SLC4A10: variants seen among roughly 807,000 people sequenced by gnomAD.
SLC4A10 encodes the protein sodium-driven chloride bicarbonate exchanger.
Under a neutral mutation model 137.7 loss-of-function variants are expected in SLC4A10, and 42 were observed. The observed-to-expected ratio is 0.30, with a 90% confidence interval of 0.24 to 0.39. The LOEUF is 0.39. SLC4A10 is among the 10% of genes least tolerant of loss of function. The probability of loss-of-function intolerance (pLI) is 1.00; values close to 1 mark genes in which losing one functional copy is unlikely to be tolerated. For missense variants in SLC4A10, 925 were observed against 1,355.0 expected, an observed-to-expected ratio of 0.68 and a Z score of 4.98; for synonymous variants, 474 against 464.1, an observed-to-expected ratio of 1.02 and a Z score of -0.27.
intron 1 of SLC4A10, among the ~76,000 whole-genome samples, chr2:161,733,276 T>G (rs2046995234): frequency 6.6e-6 from 1 of 152,086 alleles, no homozygotes. Context: ...TGTCCCAGGG[T>G]TCCCAAGCTG....
chr2:161,678,207 G>C (rs1160534891), intron 1 of SLC4A10, among the ~76,000 whole-genome samples: 4 of 152,136 alleles, frequency 2.6e-5, no homozygotes, highest in African/African-American at 9.7e-5. Flanking sequence ...ATGAATCTGG[G>C]AAGTTGGGAG....
intron 16 of SLC4A10, among the ~76,000 whole-genome samples, chr2:161,947,000 A>T (rs2222057): frequency 0.81 from 122,899 of 152,022 alleles, 49,858 homozygotes; most frequent in East Asian, 0.97. Flanking sequence ...CATTGTTCTT[A>T]GTCAATAAGC....
intron 1 of SLC4A10, among the ~76,000 whole-genome samples, chr2:161,759,062 A>T (rs977792399): frequency 2.0e-5 from 3 of 151,848 alleles, no homozygotes; most frequent in Admixed American, 6.6e-5. Context: ...TTCATCTTCC[A>T]CCTTAGATAT....
intron 2 of SLC4A10, among the ~76,000 whole-genome samples, chr2:161,782,807 A>G (rs2053194457): frequency 1.3e-5 from 2 of 149,722 alleles, no homozygotes; most frequent in African/African-American, 4.9e-5. Context: ...AGAAACAAAA[A>G]GGACAAAATA....
At chr2:161,954,363 G>A (rs1224775910) in intron 19 of SLC4A10, among the ~76,000 whole-genome samples, 1 of 152,056 alleles carries the variant, frequency 6.6e-6, no homozygotes, top group African/African-American at 2.4e-5. Context: ...GTTTTAGTGG[G>A]GTCTGGTGTA....
intron 1 of SLC4A10, among the ~76,000 whole-genome samples, chr2:161,628,461 C>T (rs60830400): frequency 6.0e-4 from 91 of 151,808 alleles, no homozygotes; most frequent in African/African-American, 1.8e-3. Flanking sequence ...TCCAAGTGGC[C>T]CAGTTTATTG....
chr2:161,728,451 CT>C (rs202033847), intron 1 of SLC4A10, among the ~76,000 whole-genome samples: 3,142 of 152,138 alleles, frequency 0.021, 51 homozygotes, highest in Middle Eastern at 0.037. Flanking sequence ...TGGTGTGCCC[CT>C]GTAGTCCCAG....
intron 15 of SLC4A10, among the ~76,000 whole-genome samples, chr2:161,919,947 C>A (rs944738268): frequency 2.6e-5 from 4 of 152,200 alleles, no homozygotes; most frequent in African/African-American, 9.7e-5. Flanking sequence ...CCACCACGTT[C>A]CCCAGAGCCT....
intron 15 of SLC4A10, among the ~76,000 whole-genome samples, chr2:161,924,540 A>AATTT (rs1325187923): frequency 6.6e-6 from 1 of 152,114 alleles, no homozygotes; most frequent in Non-Finnish European, 1.5e-5. Context: ...TTTAAATTTG[A>AATTT]ATTTATTTAT....
chr2:161,913,216 A>G (rs1291999640), intron 15 of SLC4A10, among the ~76,000 whole-genome samples: 1 of 152,174 alleles, frequency 6.6e-6, no homozygotes, highest in Non-Finnish European at 1.5e-5. Flanking sequence ...GACATCATCC[A>G]GCTTCTTAAT....
rs190869666 is a variant in SLC4A10 at position 161,761,185 on chromosome 2, A to G, written c.49-9788A>G. ...AGATGTTATGTGGCTGCACACACAT[A>G]CAAACTGTTAGTCTCTATATAGCAC... On this transcript the variant is annotated intron_variant, in intron 1 of 26. Coordinates refer to ENST00000446997, the MANE Select transcript of SLC4A10 (RefSeq NM_001178015.2). Among the ~76,000 whole-genome samples, 311 of 152,218 alleles carry G rather than the reference A, an allele frequency of 2.0e-3. 6 individuals are homozygous for G. The highest frequency in any genetic ancestry group is 0.02 in the Admixed American group (302 of 15,250).
At chr2:161,901,943 T>G (rs1683209399) in intron 12 of SLC4A10, 1 of 415,612 alleles carries the variant, frequency 2.4e-6, no homozygotes, top group African/African-American at 2.1e-5. Flanking sequence ...TGGTATTTTT[T>G]TTCTCTTTCT....
intron 1 of SLC4A10, among the ~76,000 whole-genome samples, chr2:161,716,310 C>T (rs1425825671): frequency 6.6e-6 from 1 of 151,938 alleles, no homozygotes; most frequent in African/African-American, 2.4e-5. Context: ...GTTTCTTTTG[C>T]TGTGCAGAAG....
At chr2:161,626,446 A>G in intron 1 of SLC4A10, among the ~76,000 whole-genome samples, 1 of 152,152 alleles carries the variant, frequency 6.6e-6, no homozygotes, top group East Asian at 1.9e-4. Flanking sequence ...GGCCAGAGTC[A>G]AAAGTTTGCA....
intron 21 of SLC4A10, among the ~76,000 whole-genome samples, chr2:161,960,490 C>T (rs567195450): frequency 3.3e-5 from 5 of 151,368 alleles, no homozygotes; most frequent in South Asian, 2.1e-4. Flanking sequence ...CAGACCAAGG[C>T]GGGTGGATCA....
intron 1 of SLC4A10, among the ~76,000 whole-genome samples, chr2:161,646,113 T>C (rs1220185642): frequency 6.6e-6 from 1 of 152,058 alleles, no homozygotes; most frequent in East Asian, 1.9e-4. Context: ...CTAGTGCTAA[T>C]AGCTTTTTTG....
chr2:161,901,495 C>T (rs1683100885), intron 12 of SLC4A10, among the ~76,000 whole-genome samples: 1 of 152,090 alleles, frequency 6.6e-6, no homozygotes, highest in Non-Finnish European at 1.5e-5. Context: ...GAGATGAAAG[C>T]TTCAATTTAT....
rs561134719 is a variant in SLC4A10 at position 161,639,340 on chromosome 2, C to T, written c.48+14774C>T. Among the ~76,000 whole-genome samples, 98 of 152,156 alleles carry T rather than the reference C, an allele frequency of 6.4e-4. 1 individual carries two copies. The highest frequency in any genetic ancestry group is 2.4e-3 in the Admixed American group (36 of 15,270). ...CACAACAAAATAAGAAAACTACAGA[C>T]CAATATCCCTGATGAACATATACAT... On this transcript the variant is annotated intron_variant, in intron 1 of 26. Coordinates refer to ENST00000446997, the MANE Select transcript of SLC4A10 (RefSeq NM_001178015.2).
At chr2:161,830,330 G>A (rs1439336909) in intron 3 of SLC4A10, among the ~76,000 whole-genome samples, 1 of 152,046 alleles carries the variant, frequency 6.6e-6, no homozygotes, top group Non-Finnish European at 1.5e-5. Flanking sequence ...ATGGCAGTTT[G>A]AAATATTAAT....
Sources: gnomAD v4.1 joint callset for allele counts (sites outside exome capture counted in the v4.1 genomes callset) on GRCh38, gnomAD v4.1.1 for gene constraint, MANE v1.5 for transcripts, NCBI Gene and HGNC (gene_info 2026-07-23, HGNC 2026-07-21) for gene names.